RETREG1: variants seen among roughly 807,000 people sequenced by gnomAD.
RETREG1 encodes reticulophagy regulator 1, also known as family with sequence similarity 134 member B.
RETREG1 carries 44 observed loss-of-function variants against 54.8 expected under a neutral mutation model. The ratio of observed to expected loss-of-function variants is 0.80; its 90% CI spans 0.63 to 1.03. The LOEUF (loss-of-function observed/expected upper bound fraction) is 1.03, where lower values mean the gene tolerates loss of function less well. Among genes scored for constraint, RETREG1 ranks in the 50% least tolerant of loss-of-function variants. The pLI is 0.00. For missense variants in RETREG1, 554 were observed against 605.1 expected, an observed-to-expected ratio of 0.92 and a Z score of 0.89; for synonymous variants, 217 against 238.5, an observed-to-expected ratio of 0.91 and a Z score of 0.83.
rs963051531 is a variant in RETREG1 at position 16,551,841 on chromosome 5, A to G, written c.458+13922T>C. On this transcript the variant is annotated intron_variant, in intron 3 of 8. Coordinates refer to ENST00000306320, the MANE Select transcript of RETREG1 (RefSeq NM_001034850.3). ...GGGTCAGCTGGGATGCATTCCTTTC[A>G]GAGGCTCTCGGGGAGATGGTGTCTC... Among the ~76,000 whole-genome samples, 5 of 152,072 alleles carry G rather than the reference A, an allele frequency of 3.3e-5. 1 individual carries two copies. The highest frequency in any genetic ancestry group is 1.3e-4 in the Admixed American group (2 of 15,276).
chr5:16,498,429 G>A (rs1739558221), intron 3 of RETREG1, among the ~76,000 whole-genome samples: 1 of 152,206 alleles, frequency 6.6e-6, no homozygotes, highest in African/African-American at 2.4e-5. Flanking sequence ...TTTAAAAAAT[G>A]GGGCCAGGCA....
At chr5:16,534,294 G>A (rs1052336375) in intron 3 of RETREG1, among the ~76,000 whole-genome samples, 6 of 152,186 alleles carry the variant, frequency 3.9e-5, no homozygotes, top group Admixed American at 3.3e-4. Context: ...AACAAACAAC[G>A]AACCAACCTA....
intron 3 of RETREG1, among the ~76,000 whole-genome samples, chr5:16,501,836 C>T (rs963558638): frequency 1.1e-4 from 17 of 151,692 alleles, no homozygotes; most frequent in Admixed American, 3.3e-4. Context: ...TGAGCCACCA[C>T]GCCCAGCCTG....
In RETREG1 at chr5:16,508,895, G is replaced by A. The variant is rs1477005475; in HGVS notation, c.459-25423C>T. The A allele has an allele frequency of 3.1e-6, 4 of 1,283,424 alleles. No individual in the cohort carries two copies. The African/African-American group carries it at 6.0e-5, about 19-fold the overall frequency. 79.5% of individuals were successfully genotyped at this position (1,283,424 alleles called of 1,614,324 possible). ...ATAAATAGGTCACCTCTTACTCCCAGTACTGTGACAGGCGGCTGGAAGTGA... is the reference window on the plus strand; with the variant it reads ...ATAAATAGGTCACCTCTTACTCCCAATACTGTGACAGGCGGCTGGAAGTGA... On this transcript the variant is annotated intron_variant, in intron 3 of 8. Transcript: ENST00000306320.
intron 1 of RETREG1, among the ~76,000 whole-genome samples, chr5:16,606,240 G>A (rs528975145): frequency 1.1e-4 from 17 of 152,268 alleles, no homozygotes; most frequent in South Asian, 2.1e-4. Context: ...GATGACATTC[G>A]TGATCGCCAC....
intron 3 of RETREG1, among the ~76,000 whole-genome samples, chr5:16,552,291 C>G (rs1741567446): frequency 6.6e-6 from 1 of 152,174 alleles, no homozygotes; most frequent in Non-Finnish European, 1.5e-5. Flanking sequence ...CCCCCTCTTT[C>G]CACACAATCA....
chr5:16,507,989 A>G (rs1177212642), intron 3 of RETREG1, among the ~76,000 whole-genome samples: 1 of 152,240 alleles, frequency 6.6e-6, no homozygotes, highest in African/African-American at 2.4e-5. Flanking sequence ...AGCAGGAATT[A>G]ATTGTCTGCT....
At chr5:16,584,891 A>T (rs1407077608) in intron 1 of RETREG1, among the ~76,000 whole-genome samples, 2 of 152,244 alleles carry the variant, frequency 1.3e-5, no homozygotes, top group Admixed American at 1.3e-4. Flanking sequence ...AATAATTTGG[A>T]AAGGACGATC....
intron 3 of RETREG1, among the ~76,000 whole-genome samples, chr5:16,520,624 A>G (rs1561102130): frequency 6.6e-6 from 1 of 152,190 alleles, no homozygotes; most frequent in Non-Finnish European, 1.5e-5. Flanking sequence ...CACCGCGCCC[A>G]GCCAATAGTT....
chr5:16,477,029 A>G (rs1738567107), intron 8 of RETREG1, among the ~76,000 whole-genome samples: 1 of 152,154 alleles, frequency 6.6e-6, no homozygotes, highest in Non-Finnish European at 1.5e-5. Flanking sequence ...TTTAATGAGG[A>G]CTAGGCCTAA....
intron 1 of RETREG1, among the ~76,000 whole-genome samples, chr5:16,614,927 A>C (rs1743448426): frequency 6.6e-6 from 1 of 152,208 alleles, no homozygotes; most frequent in Non-Finnish European, 1.5e-5. Flanking sequence ...TGAAATGTGC[A>C]CTATCTGGAA....
chr5:16,518,690 C>T (rs1187695286), intron 3 of RETREG1, among the ~76,000 whole-genome samples: 1 of 152,210 alleles, frequency 6.6e-6, no homozygotes, highest in African/African-American at 2.4e-5. Context: ...AGCACCTCTC[C>T]AGTCAGCCTC....
intron 3 of RETREG1, among the ~76,000 whole-genome samples, chr5:16,539,791 TGAG>T (rs1485038626): frequency 6.6e-6 from 1 of 152,244 alleles, no homozygotes; most frequent in African/African-American, 2.4e-5. Flanking sequence ...CAAAAATTAA[TGAG>T]TAGTTTATTC....
chr5:16,510,054 G>A (rs995106798), intron 3 of RETREG1, among the ~76,000 whole-genome samples: 2 of 147,332 alleles, frequency 1.4e-5, no homozygotes, highest in Admixed American at 1.3e-4. Context: ...TGTGTATTCT[G>A]TTGTTATGTT....
intron 3 of RETREG1, among the ~76,000 whole-genome samples, chr5:16,513,895 T>C (rs1561098616): frequency 6.6e-6 from 1 of 152,350 alleles, no homozygotes; most frequent in East Asian, 1.9e-4. Flanking sequence ...ATGAGACAAA[T>C]TATTTTACGC....
At chr5:16,521,643 T>A (rs746252096) in intron 3 of RETREG1, among the ~76,000 whole-genome samples, 7 of 152,138 alleles carry the variant, frequency 4.6e-5, no homozygotes, top group Non-Finnish European at 7.4e-5. Context: ...ATCAACAAGG[T>A]TGGCCCTCAG....
At chr5:16,596,252 T>C (rs949626648) in intron 1 of RETREG1, among the ~76,000 whole-genome samples, 2 of 152,234 alleles carry the variant, frequency 1.3e-5, no homozygotes, top group African/African-American at 2.4e-5. Flanking sequence ...GAAATAATTA[T>C]CTTCCATGAT....
rs553512440 is a variant in RETREG1 at position 16,597,397 on chromosome 5, G to A, written c.320+19255C>T. Among the ~76,000 whole-genome samples, 7 of 152,328 alleles carry A rather than the reference G, an allele frequency of 4.6e-5. No homozygotes were observed. In the South Asian group the frequency reaches 1.5e-3, roughly 32 times the overall value. ...TATCCTTATTCACTGATTTGTCACTGTACCTTCATCATTAAATCCAAAAGC... is the reference window on the plus strand; with the variant it reads ...TATCCTTATTCACTGATTTGTCACTATACCTTCATCATTAAATCCAAAAGC... On this transcript the variant is annotated intron_variant, in intron 1 of 8. Coordinates refer to ENST00000306320, the MANE Select transcript of RETREG1 (RefSeq NM_001034850.3). The surrounding 1 kb of genome is among the most constrained non-coding windows in gnomAD (Gnocchi z 4.3).
chr5:16,516,903 C>A (rs758698517), intron 3 of RETREG1, among the ~76,000 whole-genome samples: 1 of 151,888 alleles, frequency 6.6e-6, no homozygotes, highest in Non-Finnish European at 1.5e-5. Flanking sequence ...GAGTTCAAGA[C>A]CAACCTGATC....
Sources: allele counts gnomAD v4.1 joint callset (sites outside exome capture counted in the v4.1 genomes callset), GRCh38; gene constraint gnomAD v4.1.1; non-coding constraint Gnocchi (gnomAD v3.1); transcripts MANE v1.5; gene names NCBI Gene and HGNC (gene_info 2026-07-23, HGNC 2026-07-21).